Variants in FHL2 observed in about 807,000 individuals in gnomAD.
FHL2 encodes the protein four and a half LIM domains protein 2.
Under a neutral mutation model 32.7 loss-of-function variants are expected in FHL2, and 20 were observed. The ratio of observed to expected loss-of-function variants is 0.61; its 90% CI spans 0.43 to 0.89. The LOEUF is 0.89. Ranked by LOEUF, FHL2 falls within the 40% of genes least tolerant of loss-of-function variation. The pLI is 0.00. For missense variants in FHL2, 311 were observed against 358.6 expected, an observed-to-expected ratio of 0.87 and a Z score of 1.07; for synonymous variants, 123 against 128.1, an observed-to-expected ratio of 0.96 and a Z score of 0.27.
intron 2 of FHL2, among the ~76,000 whole-genome samples, chr2:105,389,587 T>A (rs978383600): frequency 2.0e-5 from 3 of 152,242 alleles, no homozygotes; most frequent in African/African-American, 7.2e-5. Flanking sequence ...AGATTATCTA[T>A]GACAACTTCC....
At chr2:105,418,907 T>G (rs986873838) in intron 1 of FHL2, among the ~76,000 whole-genome samples, 14 of 152,220 alleles carry the variant, frequency 9.2e-5, no homozygotes, top group Admixed American at 6.5e-4. Flanking sequence ...AAGTTAAAAT[T>G]TATCATATGT....
At chr2:105,407,670 C>T (rs1456883018) in intron 1 of FHL2, among the ~76,000 whole-genome samples, 4 of 152,170 alleles carry the variant, frequency 2.6e-5, no homozygotes, top group Admixed American at 6.5e-5. Context: ...TCCGCAGATA[C>T]AATGAAGAGC....
intron 4 of FHL2, among the ~76,000 whole-genome samples, chr2:105,371,034 T>A (rs1450871903): frequency 6.6e-6 from 1 of 152,238 alleles, no homozygotes; most frequent in East Asian, 1.9e-4. Flanking sequence ...CAGTTAATTC[T>A]CAGATATTCA....
intron 6 of FHL2, 164 bp downstream of exon 6, chr2:105,363,121 A>C: frequency 1.6e-6 from 1 of 624,524 alleles, no homozygotes. Flanking sequence ...AAGCATAGCC[A>C]GTGCACCAAG....
chr2:105,386,500 T>C lies in FHL2; in HGVS notation c.17A>G (p.Asp6Gly), dbSNP rs763058979. 4 of 1,614,192 alleles carry C rather than the reference T, an allele frequency of 2.5e-6. No individual in the cohort carries two copies. The South Asian group carries it at 4.4e-5, about 18-fold the overall frequency. Residue 6 changes from aspartate to glycine, a missense_variant, in exon 3 of 7, where the codon GAC (aspartate) becomes GGC (glycine). Physicochemically the swap from Asp to Gly is moderately conservative, Grantham distance 94. Coordinates refer to ENST00000530340, the MANE Select transcript of FHL2 (RefSeq NM_001318895.3). The part of the protein sequence containing the change: MTERF[D>G]CHHCNESLFG... ...GAGAGATTCGTTGCAATGGTGGCAGTCAAAGCGCTCAGTCATTTTGACTCC... is the reference window on the plus strand; with the variant it reads ...GAGAGATTCGTTGCAATGGTGGCAGCCAAAGCGCTCAGTCATTTTGACTCC...
chr2:105,407,519 T>G (rs1683673553), intron 1 of FHL2, among the ~76,000 whole-genome samples: 2 of 150,542 alleles, frequency 1.3e-5, no homozygotes, highest in Non-Finnish European at 3.0e-5. Flanking sequence ...GGCAGTCGAG[T>G]TATCTGGGCT....
rs562023155 is a variant in FHL2 at position 105,406,534 on chromosome 2, T to A, written c.-24-19994A>T. Among the ~76,000 whole-genome samples, 4 of 151,792 alleles carry A rather than the reference T, an allele frequency of 2.6e-5. No homozygotes were observed. The South Asian group carries it at 8.4e-4, about 32-fold the overall frequency. ...GCACATGGCTGTAATGTAATCTAGC[T>A]TCCCAGCCATTGCTAACACTTTCTG... On this transcript the variant is annotated intron_variant, in intron 1 of 5. Transcript: ENST00000393352.
At chr2:105,434,573 A>C (rs140668610) in intron 1 of FHL2, among the ~76,000 whole-genome samples, 173 of 152,240 alleles carry the variant, frequency 1.1e-3, no homozygotes, top group African/African-American at 3.9e-3. Flanking sequence ...ATCTCAAAAA[A>C]AAAACAAAAC....
intron 1 of FHL2, among the ~76,000 whole-genome samples, chr2:105,414,316 G>A (rs910790035): frequency 4.6e-5 from 7 of 152,052 alleles, no homozygotes; most frequent in Non-Finnish European, 8.8e-5. Context: ...CATTGCATAG[G>A]CATGATTGAT....
intron 1 of FHL2, among the ~76,000 whole-genome samples, chr2:105,425,387 G>A (rs1463634190): frequency 1.3e-5 from 2 of 152,182 alleles, no homozygotes; most frequent in Non-Finnish European, 2.9e-5. Context: ...TGAAAGCAGG[G>A]TATTGTCCAA....
chr2:105,379,540 T>C lies in FHL2; in HGVS notation c.157-5807A>G, dbSNP rs142223767. Reference sequence around the variant, plus strand: ...TGAAATAAAGTTTTATTCTTATAGATGAGCAGATTCAATGTAACGACACCA... The same window carrying C: ...TGAAATAAAGTTTTATTCTTATAGACGAGCAGATTCAATGTAACGACACCA... On this transcript the variant is annotated intron_variant, in intron 3 of 6. Coordinates refer to ENST00000530340, the MANE Select transcript of FHL2 (RefSeq NM_001318895.3). Among the ~76,000 whole-genome samples the C allele has an allele frequency of 8.5e-5, 13 of 152,358 alleles. No homozygotes were observed. The East Asian group carries it at 2.1e-3, about 25-fold the overall frequency.
chr2:105,384,642 G>A (rs935990012), intron 3 of FHL2, among the ~76,000 whole-genome samples: 2 of 152,146 alleles, frequency 1.3e-5, no homozygotes, highest in African/African-American at 4.8e-5. Context: ...CAAGTAGCTG[G>A]GATTACAGAT....
At chr2:105,426,323 A>AT (rs1684267879) in intron 1 of FHL2, among the ~76,000 whole-genome samples, 1 of 152,256 alleles carries the variant, frequency 6.6e-6, no homozygotes, top group Non-Finnish European at 1.5e-5. Flanking sequence ...GTCAGTATTC[A>AT]TTTTTGACGT....
intron 2 of FHL2, among the ~76,000 whole-genome samples, chr2:105,388,848 G>A (rs562096220): frequency 7.3e-5 from 11 of 150,344 alleles, no homozygotes; most frequent in Non-Finnish European, 1.5e-4. Context: ...AAAAAAAATA[G>A]GTACACTGGT....
chr2:105,365,851 A>G (rs1241215440), intron 5 of FHL2, among the ~76,000 whole-genome samples: 1 of 152,066 alleles, frequency 6.6e-6, no homozygotes, highest in East Asian at 1.9e-4. Flanking sequence ...TCAAAAAAAG[A>G]AAAAAACAGA....
intron 3 of FHL2, chr2:105,378,376 C>T (rs1681632977): frequency 2.8e-6 from 1 of 352,432 alleles, no homozygotes; most frequent in South Asian, 2.2e-5. Flanking sequence ...CTATCGGATC[C>T]CACCTCGCAA....
intron 1 of FHL2, among the ~76,000 whole-genome samples, chr2:105,417,437 C>A (rs1396463785): frequency 6.6e-6 from 1 of 151,884 alleles, no homozygotes; most frequent in Non-Finnish European, 1.5e-5. Context: ...GTAATCCCAG[C>A]AATTCGGGAG....
chr2:105,407,755 C>G (rs1683681065), intron 1 of FHL2, among the ~76,000 whole-genome samples: 1 of 152,128 alleles, frequency 6.6e-6, no homozygotes, highest in Non-Finnish European at 1.5e-5. Flanking sequence ...TCCAGCTTTT[C>G]TTTGCTAGTG....
intron 1 of FHL2, among the ~76,000 whole-genome samples, chr2:105,435,844 C>A (rs1179969610): frequency 6.6e-6 from 1 of 152,028 alleles, no homozygotes; most frequent in Non-Finnish European, 1.5e-5. Flanking sequence ...AATAAATAAA[C>A]AAACAAACAA....
Sources: allele counts gnomAD v4.1 joint callset (sites outside exome capture counted in the v4.1 genomes callset), GRCh38; gene constraint gnomAD v4.1.1; transcripts MANE v1.5; gene names NCBI Gene and HGNC (gene_info 2026-07-23, HGNC 2026-07-21).